DRC5: variants seen among roughly 807,000 people sequenced by gnomAD.
DRC5 encodes T-complex-associated testis-expressed protein 1.
At chr6:44,282,545 G>C in the DRC5 span, 2 of 1,589,914 alleles carry the variant, frequency 1.3e-6, no homozygotes, top group Non-Finnish European at 1.7e-6. Context: ...CCTTGCTTCG[G>C]GTCAGCTTGA....
the DRC5 span, chr6:44,282,236 CTTG>C: frequency 8.1e-6 from 13 of 1,614,078 alleles, no homozygotes; most frequent in Non-Finnish European, 1.0e-5. Context: ...TGGTGAGGCA[CTTG>C]TTGGTCTGCA....
At chr6:44,284,865 C>T in the DRC5 span, among the ~76,000 whole-genome samples, 1 of 152,262 alleles carries the variant, frequency 6.6e-6, no homozygotes, top group Non-Finnish European at 1.5e-5. Context: ...CACTGCTGCC[C>T]TGCCCAGGCC....
the DRC5 span, among the ~76,000 whole-genome samples, chr6:44,296,850 C>T: frequency 2.2e-5 from 1 of 45,974 alleles, no homozygotes; most frequent in African/African-American, 5.3e-5. Flanking sequence ...TCCTTCATGC[C>T]CACCATGTCT....
At chr6:44,288,040 T>C in the DRC5 span, 88,552 of 510,042 alleles carry the variant, frequency 0.17, 8,863 homozygotes, top group East Asian at 0.35. Flanking sequence ...ATCCAAGTTA[T>C]CTGTGTGGCC....
the DRC5 span, chr6:44,288,011 A>G: frequency 1.6e-6 from 1 of 637,798 alleles, no homozygotes; most frequent in Non-Finnish European, 2.5e-6. Flanking sequence ...CTTAACGATC[A>G]GTCCCTGGAG....
At chr6:44,285,907 G>A in the DRC5 span, 2 of 1,454,918 alleles carry the variant, frequency 1.4e-6, no homozygotes, top group Admixed American at 1.8e-5. Flanking sequence ...GAGGAGGGGA[G>A]AGGGAATCTG....
the DRC5 span, among the ~76,000 whole-genome samples, chr6:44,289,099 G>A: frequency 1.2e-4 from 14 of 117,736 alleles, 1 homozygote; most frequent in South Asian, 1.8e-3. Context: ...GTGCAATGGC[G>A]CGATTTTGGG....
At chr6:44,291,770 G>A in the DRC5 span, among the ~76,000 whole-genome samples, 1 of 152,134 alleles carries the variant, frequency 6.6e-6, no homozygotes, top group Non-Finnish European at 1.5e-5. Flanking sequence ...GCTAGGGGGT[G>A]GTGGTGTAAT....
At chr6:44,289,262 C>T in the DRC5 span, among the ~76,000 whole-genome samples, 1 of 151,794 alleles carries the variant, frequency 6.6e-6, no homozygotes, top group African/African-American at 2.4e-5. Flanking sequence ...GTCTTGAACT[C>T]CTGACCTCAG....
At chr6:44,295,529 G>A in the DRC5 span, among the ~76,000 whole-genome samples, 3 of 152,218 alleles carry the variant, frequency 2.0e-5, no homozygotes, top group Non-Finnish European at 4.4e-5. Context: ...AGGATTGGGT[G>A]TGGACTGCTC....
the DRC5 span, chr6:44,280,435 A>C: frequency 2.8e-6 from 4 of 1,436,562 alleles, no homozygotes; most frequent in Non-Finnish European, 2.9e-6. Context: ...ATCACTACCC[A>C]GGATCTGACA....
At chr6:44,290,989 G>C in the DRC5 span, among the ~76,000 whole-genome samples, 1 of 152,206 alleles carries the variant, frequency 6.6e-6, no homozygotes, top group Non-Finnish European at 1.5e-5. Context: ...TCTTGCTGCT[G>C]TTTTGTGCCT....
the DRC5 span, among the ~76,000 whole-genome samples, chr6:44,281,519 G>A: frequency 6.6e-6 from 1 of 152,152 alleles, no homozygotes; most frequent in Non-Finnish European, 1.5e-5. Flanking sequence ...CAAGTAGCTG[G>A]GGTTACAGGT....
chr6:44,281,747 A>G, the DRC5 span, among the ~76,000 whole-genome samples: 1 of 152,208 alleles, frequency 6.6e-6, no homozygotes, highest in African/African-American at 2.4e-5. Context: ...GTCTATTAGA[A>G]AGGACTCAGG....
the DRC5 span, chr6:44,280,243 G>C: frequency 1.2e-6 from 2 of 1,614,212 alleles, no homozygotes; most frequent in Non-Finnish European, 1.7e-6. Context: ...CTGGGATTCA[G>C]GGCCCGCTGG....
the DRC5 span, among the ~76,000 whole-genome samples, chr6:44,281,223 G>A: frequency 1.3e-5 from 2 of 152,310 alleles, no homozygotes; most frequent in African/African-American, 4.8e-5. Context: ...TTGGGAGGCA[G>A]AATGCTACCA....
At chr6:44,293,151 C>G in the DRC5 span, among the ~76,000 whole-genome samples, 1 of 152,106 alleles carries the variant, frequency 6.6e-6, no homozygotes, top group Non-Finnish European at 1.5e-5. Context: ...CTCACAGGAC[C>G]TGATTCACTC....
the DRC5 span, chr6:44,282,505 G>C: frequency 5.0e-6 from 8 of 1,606,122 alleles, no homozygotes; most frequent in Non-Finnish European, 6.8e-6. Flanking sequence ...AGAAGGCTTC[G>C]AATTATGATG....
At chr6:44,286,222 G>A in the DRC5 span, 1 of 1,611,902 alleles carries the variant, frequency 6.2e-7, no homozygotes, top group South Asian at 1.1e-5. Flanking sequence ...CCGGCGGAAG[G>A]AACTGATCGA....
Sources: gnomAD v4.1 joint callset for allele counts (sites outside exome capture counted in the v4.1 genomes callset) on GRCh38, gnomAD v4.1.1 for gene constraint, MANE v1.5 for transcripts, NCBI Gene and HGNC (gene_info 2026-07-23, HGNC 2026-07-21) for gene names.